DLG2: variants seen among roughly 807,000 people sequenced by gnomAD.
DLG2 encodes discs large MAGUK scaffold protein 2.
Under a neutral mutation model 132.5 loss-of-function variants are expected in DLG2, and 45 were observed. The observed-to-expected ratio is 0.34, with a 90% CI of 0.27 to 0.44. The LOEUF is 0.44. DLG2 is among the 20% of genes least tolerant of loss of function. The pLI is 1.00. For synonymous variants in DLG2, 424 were observed against 419.6 expected, an observed-to-expected ratio of 1.01 and a Z score of -0.13; for missense variants, 1,045 against 1,196.9, an observed-to-expected ratio of 0.87 and a Z score of 1.87.
chr11:83,573,800 C>T lies in DLG2; in HGVS notation c.1941-31942G>A, dbSNP rs115010635. On this transcript the variant is annotated intron_variant, in intron 19 of 27. Transcript: ENST00000376104. ...TGAATGAACAACAGATAAGTTTGTCCCCCAATACAGGATAACTACATGTGG... is the reference window on the plus strand; with the variant it reads ...TGAATGAACAACAGATAAGTTTGTCTCCCAATACAGGATAACTACATGTGG... 1.3e-3 allele frequency among the ~76,000 whole-genome samples: 197 copies of T among 152,102 alleles called. 1 individual carries two copies. Among genetic ancestry groups the T allele is most frequent in the African/African-American group, 4.6e-3 (190 of 41,478 alleles).
chr11:84,343,145 G>A (rs905449569), intron 7 of DLG2, among the ~76,000 whole-genome samples: 1 of 152,218 alleles, frequency 6.6e-6, no homozygotes, highest in African/African-American at 2.4e-5. Flanking sequence ...AAGCTTTGCA[G>A]AGATGATAAC....
chr11:83,790,425 A>G, intron 17 of DLG2: 1 of 1,065,086 alleles, frequency 9.4e-7, no homozygotes, highest in Non-Finnish European at 1.4e-6. Context: ...GGTCCCCAGT[A>G]CCATCCTTGT....
chr11:84,084,826 G>A (rs1385845268), intron 10 of DLG2, among the ~76,000 whole-genome samples: 1 of 152,150 alleles, frequency 6.6e-6, no homozygotes, highest in African/African-American at 2.4e-5. Context: ...CCCACTTTCA[G>A]TAAGTTCAAT....
At chr11:85,609,755 G>A (rs1208775348) in intron 2 of DLG2, among the ~76,000 whole-genome samples, 1 of 152,142 alleles carries the variant, frequency 6.6e-6, no homozygotes, top group African/African-American at 2.4e-5. Flanking sequence ...ACCATTGAGG[G>A]CCAGGAAATT....
intron 6 of DLG2, among the ~76,000 whole-genome samples, chr11:84,682,556 G>C (rs769504035): frequency 6.6e-6 from 1 of 152,184 alleles, no homozygotes; most frequent in Non-Finnish European, 1.5e-5. Context: ...CTAACAATCA[G>C]ATGTGGTTGC....
chr11:85,346,979 A>G (rs750266544), intron 3 of DLG2, among the ~76,000 whole-genome samples: 19 of 152,264 alleles, frequency 1.2e-4, no homozygotes, highest in African/African-American at 1.9e-4. Context: ...TCACAGAAGT[A>G]GAGAAAGGAA....
chr11:85,528,627 T>C (rs1007850620), intron 3 of DLG2, among the ~76,000 whole-genome samples: 1 of 152,210 alleles, frequency 6.6e-6, no homozygotes, highest in African/African-American at 2.4e-5. Flanking sequence ...GCAATTCTAT[T>C]CCTGGCACTC....
At chr11:83,504,661 G>A (rs1197403905) in intron 21 of DLG2, among the ~76,000 whole-genome samples, 2 of 152,182 alleles carry the variant, frequency 1.3e-5, no homozygotes, top group African/African-American at 4.8e-5. Context: ...TAGGCCAGCA[G>A]AATGTAATGT....
intron 21 of DLG2, among the ~76,000 whole-genome samples, chr11:83,530,443 A>G (rs1343981213): frequency 2.0e-5 from 3 of 151,914 alleles, no homozygotes; most frequent in African/African-American, 7.2e-5. Flanking sequence ...GGTGACAGCA[A>G]TTGACCATAA....
chr11:85,221,046 CTT>C (rs375581362), intron 4 of DLG2, among the ~76,000 whole-genome samples: 13 of 142,834 alleles, frequency 9.1e-5, no homozygotes, highest in Admixed American at 1.4e-4. Flanking sequence ...GTCAAACTTT[CTT>C]TTTTTTTTTT....
At chr11:83,929,146 T>C (rs1043619318) in intron 15 of DLG2, among the ~76,000 whole-genome samples, 1 of 152,222 alleles carries the variant, frequency 6.6e-6, no homozygotes, top group African/African-American at 2.4e-5. Flanking sequence ...TCTGGAAATG[T>C]TAGATGTAAT....
chr11:85,056,598 T>A (rs1281189287), intron 6 of DLG2, among the ~76,000 whole-genome samples: 1 of 152,036 alleles, frequency 6.6e-6, no homozygotes, highest in Non-Finnish European at 1.5e-5. Context: ...TGATGTATAA[T>A]GATCAGTACA....
Position 85,032,909 on chromosome 11 carries a change from C to T in DLG2, c.357+78752G>A, listed in dbSNP as rs897831440. On this transcript the variant is annotated intron_variant, in intron 6 of 27. Transcript: ENST00000376104. ...TACTCTTGTTCAAACTCCTTACAGGCTATTTCTAATGCATTAAAAGCATCT... is the reference window on the plus strand; with the variant it reads ...TACTCTTGTTCAAACTCCTTACAGGTTATTTCTAATGCATTAAAAGCATCT... Among the ~76,000 whole-genome samples the T allele has an allele frequency of 6.6e-5, 10 of 152,248 alleles. 1 individual carries two copies. Among genetic ancestry groups the T allele is most frequent in the Admixed American group, 3.9e-4 (6 of 15,292 alleles).
intron 22 of DLG2, among the ~76,000 whole-genome samples, chr11:83,481,134 ATACACGG>A (rs1227213334): frequency 6.6e-6 from 1 of 152,112 alleles, no homozygotes; most frequent in African/African-American, 2.4e-5. Context: ...AAATGGCCTG[ATACACGG>A]TACAGGTTCT....
At position 84,198,673 on chromosome 11, in the gene DLG2, A is replaced by G. The variant is rs574059868; in HGVS notation, c.574-35162T>C. ...ATAAATGGTATACCTGAATATGAGT[A>G]AAATAAAAATTATAAAGTGGAGTGC... On this transcript the variant is annotated intron_variant, in intron 8 of 27. Transcript: ENST00000376104. Among the ~76,000 whole-genome samples the G allele has an allele frequency of 1.0e-3, 158 of 152,332 alleles. 1 individual carries two copies. Among genetic ancestry groups the G allele is most frequent in the African/African-American group, 3.4e-3 (141 of 41,582 alleles).
intron 6 of DLG2, among the ~76,000 whole-genome samples, chr11:84,622,856 G>A (rs1594087916): frequency 6.6e-6 from 1 of 152,104 alleles, no homozygotes; most frequent in Non-Finnish European, 1.5e-5. Context: ...TGCCGGAGAT[G>A]GAGGATATCG....
chr11:84,699,813 G>C (rs1201377536), intron 6 of DLG2, among the ~76,000 whole-genome samples: 4 of 151,570 alleles, frequency 2.6e-5, no homozygotes, highest in Non-Finnish European at 5.9e-5. Flanking sequence ...ATATAGGATA[G>C]CTTCCAGAAT....
intron 18 of DLG2, among the ~76,000 whole-genome samples, chr11:83,734,730 C>T (rs1453337766): frequency 6.6e-6 from 1 of 152,024 alleles, no homozygotes; most frequent in Non-Finnish European, 1.5e-5. Flanking sequence ...GGATTATAGG[C>T]ATAAGCCACT....
chr11:83,530,800 C>T (rs1246345407), intron 21 of DLG2, among the ~76,000 whole-genome samples: 1 of 151,900 alleles, frequency 6.6e-6, no homozygotes, highest in African/African-American at 2.4e-5. Context: ...AAAACTCTCT[C>T]TTTTTGCATG....
Sources: gnomAD v4.1 joint callset for allele counts (sites outside exome capture counted in the v4.1 genomes callset) on GRCh38, gnomAD v4.1.1 for gene constraint, MANE v1.5 for transcripts, NCBI Gene and HGNC (gene_info 2026-07-23, HGNC 2026-07-21) for gene names.